Variants in PRKG1 observed in about 807,000 individuals in gnomAD.
The protein encoded by PRKG1 is protein kinase cGMP-dependent 1.
In PRKG1, 35 loss-of-function variants were observed where a neutral mutation model predicts 88.1. The ratio of observed to expected loss-of-function variants is 0.40; its 90% CI spans 0.30 to 0.53. PRKG1 has a LOEUF of 0.53. Among genes scored for constraint, PRKG1 ranks in the 20% least tolerant of loss-of-function variants. The pLI is 0.59. For missense variants in PRKG1, 540 were observed against 839.8 expected, an observed-to-expected ratio of 0.64 and a Z score of 4.41; for synonymous variants, 303 against 292.5, an observed-to-expected ratio of 1.04 and a Z score of -0.37.
At chr10:51,370,185 C>T (rs1417123109) in intron 2 of PRKG1, among the ~76,000 whole-genome samples, 2 of 152,104 alleles carry the variant, frequency 1.3e-5, no homozygotes, top group African/African-American at 4.8e-5. Context: ...GAGCTCCCTG[C>T]TTGAATGCTC....
intron 3 of PRKG1, among the ~76,000 whole-genome samples, chr10:51,554,374 A>G (rs1837253585): frequency 6.8e-6 from 1 of 146,308 alleles, no homozygotes; most frequent in African/African-American, 2.5e-5. Context: ...ATATACACAT[A>G]TATAATATAT....
chr10:51,991,424 A>G (rs1288991347), intron 5 of PRKG1, among the ~76,000 whole-genome samples: 1 of 151,998 alleles, frequency 6.6e-6, no homozygotes, highest in Non-Finnish European at 1.5e-5. Context: ...GTACATGTGC[A>G]CAACGTACTG....
intron 3 of PRKG1, among the ~76,000 whole-genome samples, chr10:51,569,764 T>A (rs1837698042): frequency 6.6e-6 from 1 of 151,944 alleles, no homozygotes; most frequent in African/African-American, 2.4e-5. Flanking sequence ...TCTCTGCATT[T>A]GTTTCTTTAA....
At chr10:51,140,518 C>T (rs1845795023) in intron 1 of PRKG1, among the ~76,000 whole-genome samples, 1 of 152,164 alleles carries the variant, frequency 6.6e-6, no homozygotes, top group South Asian at 2.1e-4. Flanking sequence ...TTAAATGTTG[C>T]ATAACCATTA....
intron 7 of PRKG1, among the ~76,000 whole-genome samples, chr10:52,123,729 T>C (rs1847871886): frequency 1.3e-5 from 2 of 152,172 alleles, no homozygotes; most frequent in African/African-American, 4.8e-5. Flanking sequence ...TCAATTTTCT[T>C]AAAACTTCAT....
chr10:51,464,953 G>A (rs1024792967), intron 2 of PRKG1, among the ~76,000 whole-genome samples: 2 of 151,768 alleles, frequency 1.3e-5, no homozygotes, highest in Admixed American at 1.3e-4. Flanking sequence ...GTGAGCTTGT[G>A]CACAAATTTT....
intron 2 of PRKG1, among the ~76,000 whole-genome samples, chr10:51,157,453 A>G (rs1008494625): frequency 2.0e-5 from 3 of 151,936 alleles, no homozygotes. Context: ...CTTTGGCCTT[A>G]ATTATGAGGT....
At chr10:52,212,832 C>T (rs949349788) in intron 9 of PRKG1, among the ~76,000 whole-genome samples, 3 of 152,132 alleles carry the variant, frequency 2.0e-5, no homozygotes, top group Non-Finnish European at 2.9e-5. Flanking sequence ...TATTGTTTTT[C>T]GCAAAGGGAT....
intron 2 of PRKG1, among the ~76,000 whole-genome samples, chr10:51,162,189 TC>T (rs1381508614): frequency 2.0e-5 from 3 of 152,194 alleles, no homozygotes; most frequent in Non-Finnish European, 2.9e-5. Context: ...AGGAGCCACT[TC>T]CCAGCACAGG....
chr10:52,157,252 T>G (rs1236118368), intron 8 of PRKG1, among the ~76,000 whole-genome samples: 1 of 147,574 alleles, frequency 6.8e-6, no homozygotes, highest in African/African-American at 2.5e-5. Context: ...TGCACATATA[T>G]ATGTTGTGTA....
rs1411503491 is a variant in PRKG1 at position 50,991,728 on chromosome 10, G to A, written c.266+84G>A. ...GGCTCTGGCCGCGGCGGCGGGGGCGGGTCGGCCCAGGGCGCCCCCTGCTCG... is the reference window on the plus strand; with the variant it reads ...GGCTCTGGCCGCGGCGGCGGGGGCGAGTCGGCCCAGGGCGCCCCCTGCTCG... On this transcript the variant is annotated intron_variant, in intron 1 of 17. Coordinates refer to the PRKG1 transcript ENST00000401604. The surrounding 1 kb of genome is among the most constrained non-coding windows in gnomAD (Gnocchi z 4.5). 2 of 1,053,090 alleles carry A rather than the reference G, an allele frequency of 1.9e-6. No individual in the cohort carries two copies. Among genetic ancestry groups the A allele is most frequent in the Non-Finnish European group, 2.3e-6 (2 of 863,134 alleles). The allele number at this position is 1,053,090 out of a possible 1,614,324, so 65.2% of individuals were successfully genotyped here.
At position 52,161,879 on chromosome 10, in the gene PRKG1, C is replaced by T. The variant is rs374171830; in HGVS notation, c.1002-10C>T. Reference sequence around the variant, plus strand: ...AGAAGATTAATCACTGTGCTTTTTTCGTCTGACAGCTCTTTTAAACATTTG... The same window carrying T: ...AGAAGATTAATCACTGTGCTTTTTTTGTCTGACAGCTCTTTTAAACATTTG... On this transcript the variant is annotated splice_polypyrimidine_tract_variant and intron_variant, in intron 8 of 17. Coordinates refer to ENST00000373980, the MANE Select transcript of PRKG1 (RefSeq NM_006258.4). 91 of 1,610,522 alleles carry T rather than the reference C, an allele frequency of 5.7e-5. No individual in the cohort carries two copies. The African/African-American group carries it at 9.6e-4, about 17-fold the overall frequency.
intron 3 of PRKG1, among the ~76,000 whole-genome samples, chr10:51,517,117 A>G (rs982445401): frequency 1.2e-4 from 18 of 152,248 alleles, no homozygotes; most frequent in African/African-American, 4.1e-4. Flanking sequence ...AAAAGCATGC[A>G]AAAGAATGTA....
At chr10:51,682,411 G>C (rs533744723) in intron 3 of PRKG1, among the ~76,000 whole-genome samples, 52 of 152,176 alleles carry the variant, frequency 3.4e-4, no homozygotes, top group African/African-American at 1.2e-3. Flanking sequence ...AATCTTCCTT[G>C]GAGTGTCTCT....
chr10:52,237,947 G>A (rs1840734101), intron 9 of PRKG1, among the ~76,000 whole-genome samples: 1 of 135,212 alleles, frequency 7.4e-6, no homozygotes, highest in African/African-American at 2.8e-5. Flanking sequence ...AACCAAAACA[G>A]CATGGTACTG....
At chr10:51,883,210 TC>T (rs1048568935) in intron 4 of PRKG1, among the ~76,000 whole-genome samples, 1 of 152,190 alleles carries the variant, frequency 6.6e-6, no homozygotes, top group Admixed American at 6.5e-5. Flanking sequence ...TACCATTAGC[TC>T]CCCTGGATCT....
At chr10:51,247,901 A>C (rs1839334307) in intron 2 of PRKG1, among the ~76,000 whole-genome samples, 1 of 151,810 alleles carries the variant, frequency 6.6e-6, no homozygotes, top group African/African-American at 2.4e-5. Flanking sequence ...CTGTGCATGA[A>C]GGTCACTTCA....
intron 3 of PRKG1, among the ~76,000 whole-genome samples, chr10:51,580,628 T>A (rs1447149324): frequency 6.6e-6 from 1 of 152,174 alleles, no homozygotes; most frequent in Non-Finnish European, 1.5e-5. Flanking sequence ...CTTAATATAC[T>A]TAAACAGCCT....
chr10:51,686,195 A>G (rs990891591), intron 3 of PRKG1, among the ~76,000 whole-genome samples: 1 of 152,110 alleles, frequency 6.6e-6, no homozygotes, highest in African/African-American at 2.4e-5. Flanking sequence ...TAGGTTTGTT[A>G]TACAGGTAAA....
Sources: allele counts gnomAD v4.1 joint callset (sites outside exome capture counted in the v4.1 genomes callset), GRCh38; gene constraint gnomAD v4.1.1; non-coding constraint Gnocchi (gnomAD v3.1); transcripts MANE v1.5; gene names NCBI Gene and HGNC (gene_info 2026-07-23, HGNC 2026-07-21).